RAB8B: variants seen among roughly 807,000 people sequenced by gnomAD.
RAB8B encodes the protein RAB8B, member RAS oncogene family.
RAB8B carries 11 observed loss-of-function variants against 32.0 expected under a neutral mutation model. That is an observed-to-expected ratio of 0.34 (90% CI 0.22 to 0.57). The LOEUF (loss-of-function observed/expected upper bound fraction) is 0.57. RAB8B is among the 20% of genes least tolerant of loss of function. The pLI is 0.86. For missense variants in RAB8B, 190 were observed against 258.5 expected (o/e 0.73, Z 1.82); for synonymous variants, 103 against 89.6 (o/e 1.15, Z -0.85).
At position 63,244,665 on chromosome 15, in the gene RAB8B, A is replaced by T; in HGVS notation, c.125-91A>T. The T allele has an allele frequency of 2.1e-5, 21 of 980,292 alleles. No individual in the cohort carries two copies. In the South Asian group the frequency reaches 3.1e-4, roughly 14 times the overall value. The allele number at this position is 980,292 out of a possible 1,614,324, so 60.7% of individuals were successfully genotyped here. ...GTTCACATTTTCCAGTGCGTTGGAG[A>T]GCTTTTTTTCAATAGAAATCTTTGT... On this transcript the variant is annotated intron_variant, in intron 1 of 7. Transcript: ENST00000321437.
chr15:63,210,121 G>C (rs1174012735), intron 1 of RAB8B, among the ~76,000 whole-genome samples: 1 of 152,000 alleles, frequency 6.6e-6, no homozygotes, highest in African/African-American at 2.4e-5. Flanking sequence ...TGTAGTTGTG[G>C]TGGTGAAGTG....
intron 1 of RAB8B, chr15:63,223,810 G>T: frequency 5.0e-6 from 2 of 399,578 alleles, no homozygotes; most frequent in South Asian, 3.5e-5. Context: ...TCCAAAAAAG[G>T]AGTTTTTCTT....
At chr15:63,237,113 G>T (rs554738520) in intron 1 of RAB8B, among the ~76,000 whole-genome samples, 3 of 152,306 alleles carry the variant, frequency 2.0e-5, no homozygotes, top group Admixed American at 1.3e-4. Flanking sequence ...ACTCCATTGT[G>T]TATATGTACC....
intron 3 of RAB8B, among the ~76,000 whole-genome samples, chr15:63,250,621 G>A (rs1204852125): frequency 6.6e-6 from 1 of 151,988 alleles, no homozygotes; most frequent in African/African-American, 2.4e-5. Flanking sequence ...GTGTGATGCT[G>A]GGAGTGCAGT....
At chr15:63,216,971 A>G (rs141702563) in intron 1 of RAB8B, among the ~76,000 whole-genome samples, 1 of 152,196 alleles carries the variant, frequency 6.6e-6, no homozygotes, top group Non-Finnish European at 1.5e-5. Context: ...CTTTTGCTAG[A>G]GAGAAGTTGG....
intron 2 of RAB8B, among the ~76,000 whole-genome samples, chr15:63,245,308 C>A (rs1237783763): frequency 6.6e-6 from 1 of 152,138 alleles, no homozygotes; most frequent in African/African-American, 2.4e-5. Context: ...AGTTCCCCTC[C>A]AGCTATGATA....
chr15:63,258,247 G>A lies in RAB8B; in HGVS notation c.415-1380G>A, dbSNP rs567373111. 3.9e-5 allele frequency among the ~76,000 whole-genome samples: 6 copies of A among 151,964 alleles called. No individual in the cohort carries two copies. The South Asian group carries it at 1.2e-3, about 32-fold the overall frequency. On this transcript the variant is annotated intron_variant, in intron 5 of 7. Coordinates refer to ENST00000321437, the MANE Select transcript of RAB8B (RefSeq NM_016530.3). ...CTCCCAAGTAGCTGGGATTATAGAC[G>A]TCTGCCACCACACCAGGCTAATTTT...
intron 3 of RAB8B, 47 bp from the exon 4 acceptor site, chr15:63,255,460 C>T (rs1192027111): frequency 1.5e-6 from 2 of 1,302,654 alleles, no homozygotes; most frequent in Non-Finnish European, 2.1e-6. Context: ...TATACTATAA[C>T]TTTAAATATA....
rs577744542 is a variant in RAB8B, at chr15:63,200,841, C to G, written c.124+11093C>G. ...TTTCAAATCTATTTTCTCTTACACC[C>G]CATCTGCCTTCATTTCTCTTGCTAT... On this transcript the variant is annotated intron_variant, in intron 1 of 7. Transcript: ENST00000321437. 2.6e-5 allele frequency among the ~76,000 whole-genome samples: 4 copies of G among 152,346 alleles called. No individual in the cohort carries two copies. The South Asian group carries it at 8.3e-4, about 32-fold the overall frequency.
chr15:63,261,189 G>GT (rs1270544684), intron 6 of RAB8B, among the ~76,000 whole-genome samples: 6 of 152,142 alleles, frequency 3.9e-5, no homozygotes, highest in Non-Finnish European at 7.4e-5. Context: ...CATCAGTAGT[G>GT]ATCAGGGCAA....
chr15:63,220,997 T>C (rs191052345), intron 1 of RAB8B, among the ~76,000 whole-genome samples: 1 of 152,324 alleles, frequency 6.6e-6, no homozygotes, highest in African/African-American at 2.4e-5. Flanking sequence ...TGATATGCAT[T>C]CTAAATTCTG....
At chr15:63,235,718 C>T (rs1256696040) in intron 1 of RAB8B, among the ~76,000 whole-genome samples, 1 of 150,948 alleles carries the variant, frequency 6.6e-6, no homozygotes, top group Non-Finnish European at 1.5e-5. Flanking sequence ...GTTGTTTTGG[C>T]ATTTTAAATA....
rs932424719 is a variant in RAB8B, at chr15:63,199,086, C to G, written c.124+9338C>G. Among the ~76,000 whole-genome samples the G allele has an allele frequency of 2.6e-5, 4 of 152,192 alleles. 1 individual carries two copies. The highest frequency in any genetic ancestry group is 4.8e-5 in the African/African-American group (2 of 41,432). Reference sequence around the variant, plus strand: ...AAAACAATTCTTTATTGAGAGTCAACTGTTCCCCTTTTGGAATGACTCCAA... The same window carrying G: ...AAAACAATTCTTTATTGAGAGTCAAGTGTTCCCCTTTTGGAATGACTCCAA... On this transcript the variant is annotated intron_variant, in intron 1 of 7. Coordinates refer to ENST00000321437, the MANE Select transcript of RAB8B (RefSeq NM_016530.3).
At chr15:63,229,780 C>CAAAAAAAAAAAAAAAAA (rs56015501) in intron 1 of RAB8B, among the ~76,000 whole-genome samples, 1 of 35,972 alleles carries the variant, frequency 2.8e-5, no homozygotes, top group Non-Finnish European at 6.3e-5. Context: ...GACGCTGTTT[C>CAAAAAAAAAAAAAAAAA]AAAAAAAAAA....
At chr15:63,214,286 CTTTTTTTTT>C (rs34415858) in intron 1 of RAB8B, among the ~76,000 whole-genome samples, 1 of 95,652 alleles carries the variant, frequency 1.0e-5, no homozygotes, top group Admixed American at 1.1e-4. Context: ...CAGTTTCTTT[CTTTTTTTTT>C]TTTTTTTTTT....
intron 3 of RAB8B, among the ~76,000 whole-genome samples, chr15:63,253,340 T>C (rs1381099545): frequency 6.6e-6 from 1 of 152,192 alleles, no homozygotes; most frequent in Non-Finnish European, 1.5e-5. Context: ...TTTATATGAT[T>C]TATATTTATT....
At chr15:63,230,689 A>G (rs2037929410) in intron 1 of RAB8B, among the ~76,000 whole-genome samples, 1 of 152,016 alleles carries the variant, frequency 6.6e-6, no homozygotes, top group African/African-American at 2.4e-5. Context: ...GTATGATTTT[A>G]CTACTTATTA....
At chr15:63,250,002 G>C (rs1057340376) in intron 3 of RAB8B, among the ~76,000 whole-genome samples, 2 of 152,126 alleles carry the variant, frequency 1.3e-5, no homozygotes, top group Non-Finnish European at 2.9e-5. Flanking sequence ...CGGGCGCGGT[G>C]GTGGGCGCCT....
chr15:63,203,009 T>G (rs1172171261), intron 1 of RAB8B, among the ~76,000 whole-genome samples: 1 of 152,222 alleles, frequency 6.6e-6, no homozygotes, highest in Non-Finnish European at 1.5e-5. Flanking sequence ...GGTCATTGGT[T>G]TCTCTATGGC....
Sources: allele counts gnomAD v4.1 joint callset (sites outside exome capture counted in the v4.1 genomes callset), GRCh38; gene constraint gnomAD v4.1.1; transcripts MANE v1.5; gene names NCBI Gene and HGNC (gene_info 2026-07-23, HGNC 2026-07-21).